DACH1: variants seen among roughly 807,000 people sequenced by gnomAD.
The protein encoded by DACH1 is dachshund homolog 1.
In DACH1, 12 loss-of-function variants were observed where a neutral mutation model predicts 54.2. The ratio of observed to expected loss-of-function variants is 0.22; its 90% CI spans 0.14 to 0.36. DACH1 has a LOEUF of 0.36. DACH1 is among the 10% of genes least tolerant of loss of function. The probability of loss-of-function intolerance (pLI) is 1.00; values close to 1 mark genes in which losing one functional copy is unlikely to be tolerated. For missense variants in DACH1, 805 were observed against 929.8 expected (o/e 0.87, Z 1.75); for synonymous variants, 386 against 366.2 (o/e 1.05, Z -0.62).
At chr13:71,854,937 C>A (rs533035993) in intron 1 of DACH1, among the ~76,000 whole-genome samples, 29 of 152,100 alleles carry the variant, frequency 1.9e-4, no homozygotes, top group African/African-American at 6.7e-4. Flanking sequence ...TGTTAATTTA[C>A]AGTGAAAATA....
chr13:71,559,854 G>T lies in DACH1; in HGVS notation c.1401C>A (p.Ser467=). The T allele has an allele frequency of 6.2e-7, 1 of 1,613,714 alleles. No individual in the cohort carries two copies. The part of the protein sequence containing the change: ...SSHRSSSVSS[S]PARTESSSDR... ...CAGAAGAGCTCTCAGTCCGAGCAGG[G>T]GAGCTGGACACGCTGCTGCTGCGAT... Residue 467 remains serine, a synonymous_variant, in exon 5 of 11, where the codon TCC becomes TCA. Transcript: ENST00000613252.
rs111400217 is a variant in DACH1 at position 71,840,421 on chromosome 13, T to C, written c.848+25501A>G. Among the ~76,000 whole-genome samples, 958 of 152,276 alleles carry C rather than the reference T, an allele frequency of 6.3e-3. 6 individuals carry two copies. The highest frequency in any genetic ancestry group is 0.011 in the Non-Finnish European group (739 of 68,028). On this transcript the variant is annotated intron_variant, in intron 1 of 10. Transcript: ENST00000613252. ...GTTATCTACAATATAAAGTTCAAAT[T>C]CCTTAATTATATCACAGAGGGCCCT...
intron 1 of DACH1, among the ~76,000 whole-genome samples, chr13:71,708,682 T>C (rs1444336629): frequency 6.6e-6 from 1 of 151,952 alleles, no homozygotes; most frequent in Non-Finnish European, 1.5e-5. Context: ...TAGCCTACAG[T>C]GATTCTTGTA....
At chr13:71,767,260 T>C (rs1218782922) in intron 1 of DACH1, among the ~76,000 whole-genome samples, 1 of 152,090 alleles carries the variant, frequency 6.6e-6, no homozygotes, top group Non-Finnish European at 1.5e-5. Flanking sequence ...TAGAGGTTTC[T>C]TCCATGAGGT....
Position 71,855,255 on chromosome 13 carries a change from G to A in DACH1, c.848+10667C>T, listed in dbSNP as rs118084550. Among the ~76,000 whole-genome samples the A allele has an allele frequency of 2.3e-3, 349 of 152,002 alleles. 8 individuals are homozygous for A. In the East Asian group the frequency reaches 0.05, roughly 22 times the overall value. On this transcript the variant is annotated intron_variant, in intron 1 of 10. Transcript: ENST00000613252. ...TTCTTTTTAACTTTTAATTTGAAAA[G>A]GAATTTGCTCACCTCAATTTCAAAA...
intron 2 of DACH1, among the ~76,000 whole-genome samples, chr13:71,679,049 G>A (rs975069692): frequency 2.0e-5 from 3 of 151,834 alleles, no homozygotes; most frequent in South Asian, 2.1e-4. Flanking sequence ...GTCTTTTTTC[G>A]ATATAATGCT....
At chr13:71,720,047 G>T (rs1239502364) in intron 1 of DACH1, among the ~76,000 whole-genome samples, 3 of 152,138 alleles carry the variant, frequency 2.0e-5, no homozygotes, top group Admixed American at 6.5e-5. Flanking sequence ...CTACTAAAAT[G>T]CTGTCTTTAA....
At chr13:71,732,086 A>C (rs1399502161) in intron 1 of DACH1, among the ~76,000 whole-genome samples, 1 of 152,160 alleles carries the variant, frequency 6.6e-6, no homozygotes, top group Non-Finnish European at 1.5e-5. Flanking sequence ...CAGCCTGCCA[A>C]TATTTGGGGG....
chr13:71,458,211 G>A (rs976690079), intron 10 of DACH1, among the ~76,000 whole-genome samples: 1 of 151,444 alleles, frequency 6.6e-6, no homozygotes, highest in African/African-American at 2.4e-5. Flanking sequence ...AAACAGCAGA[G>A]GCCAGATTTT....
At chr13:71,603,209 A>G (rs1350597132) in intron 3 of DACH1, among the ~76,000 whole-genome samples, 2 of 152,104 alleles carry the variant, frequency 1.3e-5, no homozygotes, top group Non-Finnish European at 2.9e-5. Context: ...AATCAATATT[A>G]CTTTTCATGA....
chr13:71,797,098 G>T (rs1887087787), intron 1 of DACH1, among the ~76,000 whole-genome samples: 1 of 151,372 alleles, frequency 6.6e-6, no homozygotes. Context: ...TTCTCACTTT[G>T]TTAACTCAGG....
intron 1 of DACH1, among the ~76,000 whole-genome samples, chr13:71,700,894 C>A (rs941133712): frequency 6.6e-6 from 1 of 152,094 alleles, no homozygotes; most frequent in Non-Finnish European, 1.5e-5. Flanking sequence ...AGTAAATTAG[C>A]CTTTAATAAG....
intron 4 of DACH1, among the ~76,000 whole-genome samples, chr13:71,568,813 T>C (rs1308483477): frequency 1.3e-5 from 2 of 152,052 alleles, no homozygotes; most frequent in Non-Finnish European, 2.9e-5. Context: ...AAAAAGTATA[T>C]GGGTATCATT....
intron 7 of DACH1, among the ~76,000 whole-genome samples, chr13:71,485,903 T>G (rs1435436008): frequency 1.3e-5 from 2 of 151,824 alleles, no homozygotes; most frequent in African/African-American, 4.8e-5. Context: ...CTATAACACT[T>G]AAATGCAGGA....
intron 1 of DACH1, among the ~76,000 whole-genome samples, chr13:71,722,203 T>A (rs1029013099): frequency 6.6e-6 from 1 of 152,152 alleles, no homozygotes; most frequent in Non-Finnish European, 1.5e-5. Context: ...ACATTCTGGG[T>A]GATTTTAAGA....
At chr13:71,762,929 A>G (rs548682336) in intron 1 of DACH1, among the ~76,000 whole-genome samples, 1 of 152,246 alleles carries the variant, frequency 6.6e-6, no homozygotes, top group African/African-American at 2.4e-5. Flanking sequence ...ATGCAAATAA[A>G]CATAAGTGAC....
intron 6 of DACH1, 107 bp from the exon 7 acceptor site, chr13:71,489,255 G>A: frequency 1.6e-6 from 2 of 1,270,684 alleles, no homozygotes; most frequent in Middle Eastern, 2.2e-4. Flanking sequence ...TTGCAAATTG[G>A]TTCCTGCTAT....
At chr13:71,775,652 A>T (rs1886034828) in intron 1 of DACH1, among the ~76,000 whole-genome samples, 1 of 152,156 alleles carries the variant, frequency 6.6e-6, no homozygotes, top group Non-Finnish European at 1.5e-5. Flanking sequence ...TATAGTTGTC[A>T]CAGACATTCC....
intron 6 of DACH1, among the ~76,000 whole-genome samples, chr13:71,530,331 C>G (rs567859493): frequency 6.6e-6 from 1 of 152,190 alleles, no homozygotes; most frequent in African/African-American, 2.4e-5. Flanking sequence ...CTTGTGTACT[C>G]TTTGCTGTCT....
Sources: allele counts gnomAD v4.1 joint callset (sites outside exome capture counted in the v4.1 genomes callset), GRCh38; gene constraint gnomAD v4.1.1; transcripts MANE v1.5; gene names NCBI Gene and HGNC (gene_info 2026-07-23, HGNC 2026-07-21).